The following SUDS3 variants were observed in gnomAD, a reference collection of about 807,000 sequenced individuals.
SUDS3 encodes the protein sin3 histone deacetylase corepressor complex component SDS3.
Under a neutral mutation model 53.5 loss-of-function variants are expected in SUDS3, and 23 were observed. The ratio of observed to expected loss-of-function variants is 0.43; its 90% CI spans 0.31 to 0.61. The LOEUF (loss-of-function observed/expected upper bound fraction) is 0.61. Ranked by LOEUF, SUDS3 falls within the 20% of genes least tolerant of loss-of-function variation. SUDS3 has a pLI of 0.10. For missense variants in SUDS3, 291 were observed against 405.9 expected (o/e 0.72, Z 2.43); for synonymous variants, 150 against 148.5 (o/e 1.01, Z -0.08).
Position 118,415,768 on chromosome 12 carries a change from T to TA in SUDS3, c.*1336dup, listed in dbSNP as rs1165137604. ...TCTTCATGTTGTCTCTTGATGTACA[T>TA]ACCCCCAAGCAAGTTGGGGGGACTG... On this transcript the variant is annotated 3_prime_UTR_variant, in exon 12 of 12. Transcript: ENST00000543473. The TA allele has an allele frequency of 1.3e-5, 2 of 150,238 alleles. No homozygotes were observed. The highest frequency in any genetic ancestry group is 1.3e-4 in the Admixed American group (2 of 15,014). The allele number at this position is 150,238 out of a possible 1,614,324, so 9.3% of individuals were successfully genotyped here.
chr12:118,395,275 G>A (rs988604994), intron 6 of SUDS3, among the ~76,000 whole-genome samples: 2 of 145,792 alleles, frequency 1.4e-5, no homozygotes, highest in African/African-American at 5.1e-5. Flanking sequence ...CCCCAGGCTG[G>A]AGTGCAGTGG....
At chr12:118,399,335 C>G (rs1043008020) in intron 6 of SUDS3, among the ~76,000 whole-genome samples, 2 of 152,016 alleles carry the variant, frequency 1.3e-5, no homozygotes, top group African/African-American at 4.8e-5. Context: ...AACCCTGATT[C>G]TACTAAAAAT....
intron 1 of SUDS3, 79 bp from the exon 2 acceptor site, chr12:118,380,083 G>T: frequency 8.9e-7 from 1 of 1,123,914 alleles, no homozygotes; most frequent in South Asian, 1.4e-5. Flanking sequence ...GGAGTTTATT[G>T]AGTGCATACT....
At chr12:118,394,765 C>T (rs1397718515) in intron 6 of SUDS3, among the ~76,000 whole-genome samples, 2 of 152,164 alleles carry the variant, frequency 1.3e-5, no homozygotes, top group Non-Finnish European at 2.9e-5. Flanking sequence ...GGGCTCACTG[C>T]AGCTCGACTT....
chr12:118,407,604 A>G (rs117377540), intron 10 of SUDS3, among the ~76,000 whole-genome samples: 2,486 of 152,286 alleles, frequency 0.016, 53 homozygotes, highest in South Asian at 0.097. Context: ...GGAAAATACA[A>G]TGCATCTCAT....
chr12:118,399,957 A>G (rs1031686961), intron 6 of SUDS3, among the ~76,000 whole-genome samples: 1 of 152,148 alleles, frequency 6.6e-6, no homozygotes, highest in African/African-American at 2.4e-5. Flanking sequence ...ATCAGTATTC[A>G]GGGAGCAGAC....
intron 6 of SUDS3, among the ~76,000 whole-genome samples, chr12:118,396,826 C>T (rs2046219791): frequency 6.6e-6 from 1 of 152,178 alleles, no homozygotes; most frequent in Non-Finnish European, 1.5e-5. Flanking sequence ...GCTATAATGA[C>T]TCTACCACCT....
chr12:118,414,907 C>T lies in SUDS3; in HGVS notation c.*474C>T, dbSNP rs1465889348. ...CCTGTCGCGTCCAATTCACTATTTG[C>T]CCAGAAGCTTGGGGCAGAGGTCCTA... On this transcript the variant is annotated 3_prime_UTR_variant, in exon 12 of 12. Transcript: ENST00000543473. The T allele has an allele frequency of 6.6e-6, 1 of 152,382 alleles. No individual in the cohort carries two copies. Among genetic ancestry groups the T allele is most frequent in the Non-Finnish European group, 1.5e-5 (1 of 68,230 alleles). The allele number at this position is 152,382 out of a possible 1,614,324, so 9.4% of individuals were successfully genotyped here.
chr12:118,403,041 C>T (rs1048860369), intron 9 of SUDS3, among the ~76,000 whole-genome samples: 10 of 152,238 alleles, frequency 6.6e-5, no homozygotes, highest in East Asian at 5.8e-4. Context: ...CACAGGTGTG[C>T]GCCACCGCAC....
Sources: gnomAD v4.1 joint callset for allele counts (sites outside exome capture counted in the v4.1 genomes callset) on GRCh38, gnomAD v4.1.1 for gene constraint, MANE v1.5 for transcripts, NCBI Gene and HGNC (gene_info 2026-07-23, HGNC 2026-07-21) for gene names.